Variants in MARK3 observed in about 807,000 individuals in gnomAD.
MARK3 encodes microtubule affinity regulating kinase 3.
In MARK3, 46 loss-of-function variants were observed where a neutral mutation model predicts 90.1. The observed-to-expected ratio is 0.51, with a 90% CI of 0.40 to 0.65. MARK3 has a LOEUF of 0.65. Ranked by LOEUF, MARK3 falls within the 30% of genes least tolerant of loss-of-function variation. The pLI is 0.00. For missense variants in MARK3, 818 were observed against 947.2 expected (o/e 0.86, Z 1.79); for synonymous variants, 321 against 332.6 (o/e 0.97, Z 0.38).
intron 1 of MARK3, among the ~76,000 whole-genome samples, chr14:103,392,046 CTTTCCCAGTTA>C (rs2090287000): frequency 6.6e-6 from 1 of 152,122 alleles, no homozygotes; most frequent in Non-Finnish European, 1.5e-5. Flanking sequence ...AGGCCCAGGG[CTTTCCCAGTTA>C]TTTAACAGTT....
intron 2 of MARK3, among the ~76,000 whole-genome samples, chr14:103,426,076 A>G (rs541986374): frequency 6.6e-6 from 1 of 152,308 alleles, no homozygotes; most frequent in African/African-American, 2.4e-5. Context: ...AGTCAAAACT[A>G]TTTTTGTGAT....
Position 103,466,359 on chromosome 14 carries a change from G to T in MARK3, c.914G>T (p.Arg305Met), listed in dbSNP as rs1211526313. ...RGTLEQIMKD[R>M]WINAGHEEDE... ...CTTTTTTAGCAAATCATGAAGGACA[G>T]GTGGATCAATGCAGGGCATGAAGAA... The change falls in exon 10 of 18, where the codon AGG (arginine) becomes ATG (methionine). Residue 305 changes from arginine (R) to methionine (M), a missense_variant. By Grantham distance (91) the Arg-to-Met change is moderately conservative. Around this residue, in one of 3 missense-constraint regions of MARK3, gnomAD observed 560 missense variants for 613.5 expected, o/e 0.91. Transcript: ENST00000429436. The T allele has an allele frequency of 6.2e-7, 1 of 1,612,928 alleles. No homozygotes were observed. Among genetic ancestry groups the T allele is most frequent in the Admixed American group, 1.7e-5 (1 of 59,896 alleles).
intron 5 of MARK3, among the ~76,000 whole-genome samples, chr14:103,452,708 T>A (rs2093181152): frequency 6.6e-6 from 1 of 151,894 alleles, no homozygotes; most frequent in Admixed American, 6.6e-5. Context: ...CCTGACCTCG[T>A]GATCCGCCCG....
At chr14:103,464,038 T>C (rs2093453470) in intron 7 of MARK3, among the ~76,000 whole-genome samples, 1 of 152,230 alleles carries the variant, frequency 6.6e-6, no homozygotes, top group Non-Finnish European at 1.5e-5. Flanking sequence ...CTTCTGGTGC[T>C]TTGATTTCAC....
intron 5 of MARK3, 39 bp from the exon 6 acceptor site, chr14:103,457,103 A>G (rs2141420618): frequency 8.0e-7 from 1 of 1,245,122 alleles, no homozygotes; most frequent in African/African-American, 1.5e-5. Context: ...AATACTCAGA[A>G]GTAGGATTTC....
At chr14:103,415,085 G>A (rs1030500348) in intron 2 of MARK3, among the ~76,000 whole-genome samples, 7 of 148,242 alleles carry the variant, frequency 4.7e-5, no homozygotes, top group Non-Finnish European at 1.5e-5. Context: ...CCGGGAGGCG[G>A]AGGTTGCAGT....
At chr14:103,480,201 G>A (rs1435362948) in intron 13 of MARK3, among the ~76,000 whole-genome samples, 186 bp from the exon 14 acceptor site, 1 of 152,180 alleles carries the variant, frequency 6.6e-6, no homozygotes, top group African/African-American at 2.4e-5. Context: ...TGGGAGGATT[G>A]CTTGATCCTG....
intron 2 of MARK3, among the ~76,000 whole-genome samples, chr14:103,414,433 G>A (rs766438726): frequency 4.6e-5 from 7 of 152,200 alleles, no homozygotes; most frequent in Middle Eastern, 3.4e-3. Context: ...TTGAACTCCC[G>A]ACCTCAGATG....
At position 103,483,508 on chromosome 14, in the gene MARK3, G is replaced by A. The variant is rs899403778; in HGVS notation, c.1586+3018G>A. ...AATGCAAGGCTTTTTCTCGTCATAGGCAATATAATTAATTTTAATTATTTT... is the reference window on the plus strand; with the variant it reads ...AATGCAAGGCTTTTTCTCGTCATAGACAATATAATTAATTTTAATTATTTT... On this transcript the variant is annotated intron_variant, in intron 14 of 17. Transcript: ENST00000429436. Among the ~76,000 whole-genome samples the A allele has an allele frequency of 3.3e-5, 5 of 152,040 alleles. No individual in the cohort carries two copies. In the East Asian group the frequency reaches 5.8e-4, roughly 18 times the overall value.
In MARK3 at chr14:103,491,929, C is replaced by T. The variant is rs1486785848; in HGVS notation, c.1739C>T (p.Pro580Leu). The T allele has an allele frequency of 1.2e-6, 2 of 1,614,078 alleles. No individual in the cohort carries two copies. Among genetic ancestry groups the T allele is most frequent in the Non-Finnish European group, 1.7e-6 (2 of 1,180,058 alleles). ...RERRTATYNG[P>L]PASPSLSHEA... ...CGGCGAACCGCAACATATAATGGCC[C>T]TCCTGCCTCTCCCAGCCTGTCCCAT... The change falls in exon 15 of 18, where the codon CCT (proline) becomes CTT (leucine). Residue 580 changes from proline to leucine, a missense_variant. Pro to Leu is a moderately conservative substitution (Grantham distance 98). Coordinates refer to ENST00000429436, the MANE Select transcript of MARK3 (RefSeq NM_001128918.3).
chr14:103,473,707 C>T (rs1223255344), intron 12 of MARK3, among the ~76,000 whole-genome samples: 3 of 152,062 alleles, frequency 2.0e-5, no homozygotes, highest in African/African-American at 7.2e-5. Flanking sequence ...TCCCCACTCC[C>T]GGTTTTTGTT....
chr14:103,399,216 G>C (rs2090781791), intron 1 of MARK3, among the ~76,000 whole-genome samples: 1 of 152,236 alleles, frequency 6.6e-6, no homozygotes, highest in South Asian at 2.1e-4. Context: ...TTTGTCTTCT[G>C]ATTATACAGT....
chr14:103,436,485 A>G (rs1366970781), intron 3 of MARK3, among the ~76,000 whole-genome samples: 1 of 151,836 alleles, frequency 6.6e-6, no homozygotes, highest in African/African-American at 2.4e-5. Flanking sequence ...AAAAGTAGTA[A>G]CCACTGTAAA....
At chr14:103,495,041 T>A (rs149895263) in intron 15 of MARK3, among the ~76,000 whole-genome samples, 7 of 152,348 alleles carry the variant, frequency 4.6e-5, no homozygotes, top group African/African-American at 1.7e-4. Context: ...ATATATACAC[T>A]TATATGTGTG....
intron 14 of MARK3, chr14:103,490,310 T>C (rs1283532968): frequency 6.6e-6 from 1 of 152,174 alleles, no homozygotes; most frequent in Non-Finnish European, 1.5e-5. Flanking sequence ...AAACCCTGTC[T>C]CAAAAAAACA....
At chr14:103,483,297 A>T (rs1190273345) in intron 14 of MARK3, among the ~76,000 whole-genome samples, 1 of 152,144 alleles carries the variant, frequency 6.6e-6, no homozygotes, top group Non-Finnish European at 1.5e-5. Flanking sequence ...AGCCTTAAAT[A>T]TTTTCGACAT....
chr14:103,428,256 C>T (rs1436141016), intron 2 of MARK3, 131 bp from the exon 3 acceptor site: 1 of 542,860 alleles, frequency 1.8e-6, no homozygotes, highest in East Asian at 3.5e-5. Flanking sequence ...CTTATTGTAA[C>T]CAGCTGAGTT....
At chr14:103,406,776 C>G (rs575151796) in intron 2 of MARK3, among the ~76,000 whole-genome samples, 1 of 146,096 alleles carries the variant, frequency 6.8e-6, no homozygotes, top group Admixed American at 6.9e-5. Flanking sequence ...CCTAATTAAG[C>G]TTTCTCAAAA....
intron 5 of MARK3, among the ~76,000 whole-genome samples, chr14:103,456,823 A>G (rs1034142299): frequency 2.0e-5 from 3 of 152,208 alleles, no homozygotes; most frequent in African/African-American, 7.2e-5. Context: ...TTCTAACACA[A>G]ATAACTTCAT....
Sources: gnomAD v4.1 joint callset for allele counts (sites outside exome capture counted in the v4.1 genomes callset) on GRCh38, gnomAD v4.1.1 for gene constraint, gnomAD v4.1.1 regional missense constraint, MANE v1.5 for transcripts, NCBI Gene and HGNC (gene_info 2026-07-23, HGNC 2026-07-21) for gene names.